Variants in SEC14L1 observed in about 807,000 individuals in gnomAD.
SEC14L1 encodes SEC14-like protein 1.
SEC14L1 carries 48 observed loss-of-function variants against 85.3 expected under a neutral mutation model. That is an observed-to-expected ratio of 0.56 (90% CI 0.45 to 0.72). The LOEUF is 0.72. SEC14L1 is among the 30% of genes least tolerant of loss of function. SEC14L1 has a pLI of 0.00. For synonymous variants in SEC14L1, 391 were observed against 355.5 expected, an observed-to-expected ratio of 1.10 and a Z score of -1.12; for missense variants, 682 against 921.4, an observed-to-expected ratio of 0.74 and a Z score of 3.36.
rs570069463 is a variant in SEC14L1, at chr17:77,118,199, A to G, written c.-135-24447A>G. Among the ~76,000 whole-genome samples the G allele has an allele frequency of 4.8e-4, 73 of 152,376 alleles. No individual in the cohort carries two copies. In the South Asian group the frequency reaches 0.014, roughly 30 times the overall value. ...GCCGCACTGTGGAAGGGGCTGGAAC[A>G]GCTTTTCCCTATCGTTTATCCTGAA... On this transcript the variant is annotated intron_variant, in intron 3 of 19. Coordinates refer to the SEC14L1 transcript ENST00000392476.
intron 14 of SEC14L1, 108 bp downstream of exon 14, chr17:77,209,584 C>G: frequency 8.3e-7 from 1 of 1,210,418 alleles, no homozygotes. Context: ...ACTCGTTTTT[C>G]TGCTCTTTGT....
At chr17:77,162,385 T>TA (rs368478231) in intron 3 of SEC14L1, among the ~76,000 whole-genome samples, 1 of 152,246 alleles carries the variant, frequency 6.6e-6, no homozygotes, top group African/African-American at 2.4e-5. Flanking sequence ...ACAGCCATTT[T>TA]AATTGAAGTT....
chr17:77,121,225 G>C (rs1753063923), intron 3 of SEC14L1, among the ~76,000 whole-genome samples: 1 of 152,182 alleles, frequency 6.6e-6, no homozygotes, highest in African/African-American at 2.4e-5. Context: ...GAACATCCTG[G>C]CTACTGCCGA....
At chr17:77,189,962 C>G (rs1250548329) in intron 3 of SEC14L1, among the ~76,000 whole-genome samples, 3 of 152,138 alleles carry the variant, frequency 2.0e-5, no homozygotes, top group African/African-American at 4.8e-5. Flanking sequence ...ATGTTTTTAA[C>G]TTTGAGGAAG....
chr17:77,123,429 T>TTTTTTTTTTTA, intron 3 of SEC14L1, among the ~76,000 whole-genome samples: 1 of 146,010 alleles, frequency 6.8e-6, no homozygotes. Flanking sequence ...TTTTTTTTTT[T>TTTTTTTTTTTA]GAGACAGAGC....
chr17:77,140,900 C>T (rs1598284455), upstream of SEC14L1: 1 of 151,456 alleles, frequency 6.6e-6, no homozygotes, highest in Non-Finnish European at 1.5e-5. Flanking sequence ...GCGCCCCTCC[C>T]GGCGCCCGGC....
chr17:77,169,910 G>A (rs2082757925), intron 3 of SEC14L1, among the ~76,000 whole-genome samples: 1 of 152,118 alleles, frequency 6.6e-6, no homozygotes, highest in Middle Eastern at 3.2e-3. Flanking sequence ...GCTTTAGATA[G>A]GTACAACCTA....
At chr17:77,193,149 A>G (rs1262980212) in intron 5 of SEC14L1, among the ~76,000 whole-genome samples, 2 of 152,248 alleles carry the variant, frequency 1.3e-5, no homozygotes, top group African/African-American at 4.8e-5. Flanking sequence ...TGTTGAATGA[A>G]TGAATGAAGC....
chr17:77,215,333 C>T lies in SEC14L1; in HGVS notation c.*1310C>T, dbSNP rs1976983440. On this transcript the variant is annotated 3_prime_UTR_variant, in exon 17 of 17. Coordinates refer to ENST00000436233, the MANE Select transcript of SEC14L1 (RefSeq NM_001143998.2). ...GAAGTTGCATAGGGGATGGCCTCCACGATAAGGACATGCAACACGTGTTTC... is the reference window on the plus strand; with the variant it reads ...GAAGTTGCATAGGGGATGGCCTCCATGATAAGGACATGCAACACGTGTTTC... The T allele has an allele frequency of 5.1e-6, 5 of 985,374 alleles. No individual in the cohort carries two copies. Among genetic ancestry groups the T allele is most frequent in the South Asian group, 4.7e-5 (1 of 21,292 alleles). 61.0% of individuals were successfully genotyped at this position (985,374 alleles called of 1,614,324 possible). A position where few individuals can be genotyped will look rare whatever the true frequency, so the allele number is the denominator to read the frequency against.
At chr17:77,209,707 A>G (rs1356573292) in intron 14 of SEC14L1, among the ~76,000 whole-genome samples, 1 of 152,232 alleles carries the variant, frequency 6.6e-6, no homozygotes, top group Non-Finnish European at 1.5e-5. Context: ...CTGGAAAGGA[A>G]ATTGGATCTC....
chr17:77,112,710 C>A (rs1055679858), intron 3 of SEC14L1, among the ~76,000 whole-genome samples: 1 of 149,756 alleles, frequency 6.7e-6, no homozygotes, highest in South Asian at 2.1e-4. Flanking sequence ...ACGGTGAAAC[C>A]CCATCTCTAC....
chr17:77,109,088 C>T (rs1252950547), intron 3 of SEC14L1, among the ~76,000 whole-genome samples: 3 of 152,180 alleles, frequency 2.0e-5, no homozygotes, highest in Non-Finnish European at 4.4e-5. Context: ...TCCCAAAGTG[C>T]TGGGATTACA....
rs1973160516 is a variant in SEC14L1 at position 77,143,828 on chromosome 17, A to G, written c.63+169A>G. 1.5e-5 allele frequency: 7 copies of G among 453,010 alleles called. No homozygotes were observed. In the South Asian group the frequency reaches 3.3e-4, roughly 21 times the overall value. The allele number at this position is 453,010 out of a possible 1,614,324, so 28.1% of individuals were successfully genotyped here. A position where few individuals can be genotyped will look rare whatever the true frequency, so the allele number is the denominator to read the frequency against. ...AGTGTGTAAAATGTTTTTAAAATAC[A>G]AGCCTCTGAAAATAAAAATCTGCTT... On this transcript the variant is annotated intron_variant, in intron 3 of 16. Coordinates refer to ENST00000436233, the MANE Select transcript of SEC14L1 (RefSeq NM_001143998.2).
At chr17:77,183,803 C>G (rs1040157973) in intron 3 of SEC14L1, among the ~76,000 whole-genome samples, 1 of 151,612 alleles carries the variant, frequency 6.6e-6, no homozygotes, top group Admixed American at 6.6e-5. Flanking sequence ...CAGTTCCTTG[C>G]TGCTTCTGTT....
chr17:77,180,023 TTATTTTGATGTTA>T (rs1974943407), intron 3 of SEC14L1, among the ~76,000 whole-genome samples: 3 of 150,654 alleles, frequency 2.0e-5, no homozygotes, highest in African/African-American at 7.4e-5. Flanking sequence ...TTGTTTTGTT[TTATTTTGATGTTA>T]TGTTTTGTTT....
chr17:77,162,830 CA>C (rs55856950), intron 3 of SEC14L1, among the ~76,000 whole-genome samples: 52,111 of 148,100 alleles, frequency 0.35, 9,289 homozygotes, highest in South Asian at 0.43. Flanking sequence ...AACTCTGTCT[CA>C]AAAAAAAAAA....
At chr17:77,211,920 C>T (rs761924977) in intron 14 of SEC14L1, 30 bp from the exon 15 acceptor site, 14 of 1,607,726 alleles carry the variant, frequency 8.7e-6, no homozygotes, top group South Asian at 3.3e-5. Context: ...GCTCGTGGAT[C>T]GTGGCTGCCT....
rs1488490566 is a variant in SEC14L1, at chr17:77,141,033, A to C, written c.-210A>C. ...CTACGGTCGCGGAGCAGTGGAACCG[A>C]GACTGCCCCGCGGAGCCGCCGGTAT... On this transcript the variant is annotated 5_prime_UTR_variant, in exon 1 of 17. Coordinates refer to ENST00000436233, the MANE Select transcript of SEC14L1 (RefSeq NM_001143998.2). 4 of 148,352 alleles carry C rather than the reference A, an allele frequency of 2.7e-5. No homozygotes were observed. Among genetic ancestry groups the C allele is most frequent in the African/African-American group, 1.0e-4 (4 of 40,060 alleles). The allele number at this position is 148,352 out of a possible 1,614,324, so 9.2% of individuals were successfully genotyped here. A position where few individuals can be genotyped will look rare whatever the true frequency, so the allele number is the denominator to read the frequency against.
intron 10 of SEC14L1, among the ~76,000 whole-genome samples, chr17:77,204,522 CT>C (rs745921636): frequency 0.17 from 14,298 of 84,198 alleles, 1,031 homozygotes; most frequent in Non-Finnish European, 0.2. Flanking sequence ...GCCCAGCCAG[CT>C]TTTTTTTTTT....
Sources: gnomAD v4.1 joint callset for allele counts (sites outside exome capture counted in the v4.1 genomes callset) on GRCh38, gnomAD v4.1.1 for gene constraint, MANE v1.5 for transcripts, NCBI Gene and HGNC (gene_info 2026-07-23, HGNC 2026-07-21) for gene names.